Variants in TPST2 observed in about 807,000 individuals in gnomAD.
TPST2 encodes the protein protein-tyrosine sulfotransferase 2.
A neutral mutation model predicts 27.8 loss-of-function variants in TPST2; 16 were observed. The observed-to-expected ratio is 0.58, with a 90% confidence interval of 0.39 to 0.88. TPST2 has a LOEUF of 0.88. TPST2 is among the 40% of genes least tolerant of loss of function. The pLI is 0.00. For synonymous variants in TPST2, 229 were observed against 231.7 expected, an observed-to-expected ratio of 0.99 and a Z score of 0.10; for missense variants, 464 against 543.1, an observed-to-expected ratio of 0.85 and a Z score of 1.45.
intron 1 of TPST2, among the ~76,000 whole-genome samples, chr22:26,588,532 G>A (rs576705101): frequency 4.6e-5 from 7 of 152,212 alleles, no homozygotes; most frequent in African/African-American, 1.4e-4. Flanking sequence ...TGAATTGTAC[G>A]GCATGTGAAC....
intron 1 of TPST2, among the ~76,000 whole-genome samples, chr22:26,579,965 T>C (rs1173099172): frequency 6.6e-6 from 1 of 151,670 alleles, no homozygotes; most frequent in Non-Finnish European, 1.5e-5. Flanking sequence ...CCAAGACAAG[T>C]TGGGTACAGA....
At chr22:26,558,607 T>G (rs1395862260) in intron 1 of TPST2, among the ~76,000 whole-genome samples, 1 of 152,098 alleles carries the variant, frequency 6.6e-6, no homozygotes, top group Admixed American at 6.5e-5. Flanking sequence ...TAGCTTCTCT[T>G]GGGGTGGGCT....
At chr22:26,547,818 A>C (rs1569184157) in intron 1 of TPST2, among the ~76,000 whole-genome samples, 2 of 152,220 alleles carry the variant, frequency 1.3e-5, no homozygotes, top group Non-Finnish European at 2.9e-5. Flanking sequence ...GCCTCAAAAC[A>C]AAGAAACAAA....
intron 1 of TPST2, among the ~76,000 whole-genome samples, chr22:26,564,785 T>C (rs1161333656): frequency 2.0e-5 from 3 of 152,164 alleles, no homozygotes; most frequent in Non-Finnish European, 4.4e-5. Context: ...AGAGGTGCAG[T>C]GCTCTGCCCT....
At chr22:26,527,450 C>G (rs2283818) in intron 6 of TPST2, among the ~76,000 whole-genome samples, 53,280 of 152,056 alleles carry the variant, frequency 0.35, 9,787 homozygotes, top group African/African-American at 0.44. Context: ...AATGATGAAT[C>G]CCCATTCTCC....
chr22:26,589,402 C>G (rs1430333605), intron 1 of TPST2, among the ~76,000 whole-genome samples: 1 of 152,112 alleles, frequency 6.6e-6, no homozygotes, highest in Non-Finnish European at 1.5e-5. Flanking sequence ...CCAGTCCCGG[C>G]TTTCCGGGCA....
chr22:26,533,438 A>G (rs187270532), intron 4 of TPST2, among the ~76,000 whole-genome samples: 1 of 152,194 alleles, frequency 6.6e-6, no homozygotes, highest in East Asian at 1.9e-4. Flanking sequence ...TGAATAAATA[A>G]AAATAAAAAG....
intron 1 of TPST2, among the ~76,000 whole-genome samples, chr22:26,575,771 G>A (rs764521021): frequency 2.6e-5 from 4 of 152,148 alleles, no homozygotes; most frequent in South Asian, 2.1e-4. Flanking sequence ...CAAGGTGGGC[G>A]GATCATGAGG....
intron 4 of TPST2, among the ~76,000 whole-genome samples, chr22:26,533,583 A>G (rs907363627): frequency 2.0e-5 from 3 of 152,236 alleles, no homozygotes; most frequent in Non-Finnish European, 4.4e-5. Context: ...ACAACATTTC[A>G]GGCCTTTCCG....
intron 1 of TPST2, among the ~76,000 whole-genome samples, chr22:26,559,191 C>A (rs1281151390): frequency 6.6e-6 from 1 of 152,214 alleles, no homozygotes; most frequent in Non-Finnish European, 1.5e-5. Context: ...CATGGTGAAA[C>A]CCTGTCTCTA....
chr22:26,569,933 C>G (rs1602295433), intron 1 of TPST2, among the ~76,000 whole-genome samples: 1 of 112,998 alleles, frequency 8.8e-6, no homozygotes, highest in African/African-American at 3.5e-5. Flanking sequence ...GCCTGGGTGT[C>G]AGAGCAAGAC....
chr22:26,577,600 T>C (rs1412628185), intron 1 of TPST2, among the ~76,000 whole-genome samples: 2 of 150,832 alleles, frequency 1.3e-5, no homozygotes, highest in African/African-American at 2.4e-5. Flanking sequence ...CTGCCCGCCT[T>C]GGCCTCCCAA....
At chr22:26,550,615 A>G in intron 1 of TPST2, 1 of 985,576 alleles carries the variant, frequency 1.0e-6, no homozygotes, top group Non-Finnish European at 1.2e-6. Context: ...AGCAGGGCCC[A>G]GTGCCCACGT....
At chr22:26,527,240 G>A (rs2147168879) in intron 6 of TPST2, among the ~76,000 whole-genome samples, 1 of 152,344 alleles carries the variant, frequency 6.6e-6, no homozygotes, top group East Asian at 1.9e-4. Flanking sequence ...CAAGCTGGAA[G>A]GTGTTTCCAT....
At chr22:26,556,659 C>T (rs1452251532) in intron 1 of TPST2, among the ~76,000 whole-genome samples, 1 of 152,120 alleles carries the variant, frequency 6.6e-6, no homozygotes, top group African/African-American at 2.4e-5. Flanking sequence ...GTAATTTTCC[C>T]CTCATCCAAA....
rs150004365 is a variant in TPST2, at chr22:26,564,303, CAGCAAAGGA to C, written c.-160-19637_-160-19629del. Among the ~76,000 whole-genome samples, 561 of 152,318 alleles carry C rather than the reference CAGCAAAGGA, an allele frequency of 3.7e-3. 8 individuals are homozygous for C. The highest frequency in any genetic ancestry group is 0.036 in the East Asian group (186 of 5,172). On this transcript the variant is annotated intron_variant, in intron 1 of 6. Coordinates refer to ENST00000338754, the MANE Select transcript of TPST2 (RefSeq NM_003595.5). ...GAAGGAGGAAAGGTTACAGCTCACC[CAGCAAAGGA>C]AGCAGAGTTCCTGAGGGAGGGAGCA... is the stretch of plus-strand genomic sequence containing the variant.
intron 1 of TPST2, among the ~76,000 whole-genome samples, chr22:26,554,827 A>G (rs1416823392): frequency 3.3e-5 from 5 of 152,214 alleles, no homozygotes; most frequent in African/African-American, 1.2e-4. Context: ...AATCCCAGCT[A>G]CTTGGGAGGC....
Position 26,524,377 on chromosome 22 carries a change from T to G in TPST2, c.*1898A>C, listed in dbSNP as rs1243363219. On this transcript the variant is annotated 3_prime_UTR_variant, in exon 7 of 7. Transcript: ENST00000338754. ...AAAAAATTTAAAAAGTAGCCAGGTG[T>G]GGTGGCACATGCCCAGCTACTCAGG... is the stretch of plus-strand genomic sequence containing the variant. 1 of 151,766 alleles carries G rather than the reference T, an allele frequency of 6.6e-6. No homozygotes were observed. The highest frequency in any genetic ancestry group is 1.5e-5 in the Non-Finnish European group (1 of 68,004). 9.4% of individuals were successfully genotyped at this position (151,766 alleles called of 1,614,324 possible).
intron 5 of TPST2, 107 bp downstream of exon 5, chr22:26,532,588 G>A (rs899841636): frequency 7.9e-7 from 1 of 1,259,134 alleles, no homozygotes; most frequent in South Asian, 1.4e-5. Context: ...TTTTATAATG[G>A]GAAAACCATC....
Sources: allele counts gnomAD v4.1 joint callset (sites outside exome capture counted in the v4.1 genomes callset), GRCh38; gene constraint gnomAD v4.1.1; transcripts MANE v1.5; gene names NCBI Gene and HGNC (gene_info 2026-07-23, HGNC 2026-07-21).